Variants in ANK3 observed in about 807,000 individuals in gnomAD.
The protein encoded by ANK3 is ankyrin-3.
In ANK3, 57 loss-of-function variants were observed where a neutral mutation model predicts 370.9. The observed-to-expected ratio is 0.15, with a 90% CI of 0.12 to 0.19. The LOEUF is 0.19. ANK3 is among the 10% of genes least tolerant of loss of function. The pLI is 1.00. For missense variants in ANK3, 4,439 were observed against 5,302.1 expected (o/e 0.84, Z 5.06); for synonymous variants, 1,929 against 1,946.3 (o/e 0.99, Z 0.23).
chr10:60,348,403 G>C (rs894026831), intron 1 of ANK3, among the ~76,000 whole-genome samples: 4 of 149,144 alleles, frequency 2.7e-5, no homozygotes, highest in Non-Finnish European at 5.9e-5. Flanking sequence ...CTAACTGGCT[G>C]TCTCAGGAAG....
intron 17 of ANK3, among the ~76,000 whole-genome samples, chr10:60,184,314 T>C (rs2096272617): frequency 1.3e-5 from 2 of 152,180 alleles, no homozygotes; most frequent in African/African-American, 4.8e-5. Context: ...TGAGAGACAG[T>C]TCCTTATTGA....
At chr10:60,374,185 G>C (rs1004455443) in intron 1 of ANK3, among the ~76,000 whole-genome samples, 4 of 151,888 alleles carry the variant, frequency 2.6e-5, no homozygotes, top group African/African-American at 9.7e-5. Flanking sequence ...CCAGTGTCAG[G>C]GTCCTCGAGA....
intron 1 of ANK3, among the ~76,000 whole-genome samples, chr10:60,696,023 A>C (rs2079443443): frequency 1.3e-5 from 2 of 151,276 alleles, no homozygotes; most frequent in South Asian, 4.2e-4. Context: ...ATAAAGAAAA[A>C]AAGAGAGAAG....
At position 60,719,429 on chromosome 10, in the gene ANK3, T is replaced by G. The variant is rs182835161; in HGVS notation, c.57+13834A>C. On this transcript the variant is annotated intron_variant, in intron 1 of 43. Transcript: ENST00000373827. Reference sequence around the variant, plus strand: ...TATTTTAAGAGATTAACCATTTGCCTAAGCTTTCCACCAAAAAAGTTGTAC... The same window carrying G: ...TATTTTAAGAGATTAACCATTTGCCGAAGCTTTCCACCAAAAAAGTTGTAC... Among the ~76,000 whole-genome samples, 504 of 152,228 alleles carry G rather than the reference T, an allele frequency of 3.3e-3. 3 individuals carry two copies. The highest frequency in any genetic ancestry group is 0.012 in the African/African-American group (479 of 41,568).
At chr10:60,684,945 T>C in intron 1 of ANK3, 1 of 1,527,576 alleles carries the variant, frequency 6.5e-7, no homozygotes, top group South Asian at 1.1e-5. Context: ...TTTCAGGAAT[T>C]GAGAAATTGT....
chr10:60,407,645 T>C (rs2063481645), intron 2 of ANK3, among the ~76,000 whole-genome samples: 1 of 152,234 alleles, frequency 6.6e-6, no homozygotes, highest in African/African-American at 2.4e-5. Flanking sequence ...CCAAGATTTA[T>C]ATAAACCATC....
chr10:60,459,486 C>A (rs2064831264), intron 2 of ANK3, among the ~76,000 whole-genome samples: 1 of 152,132 alleles, frequency 6.6e-6, no homozygotes, highest in Admixed American at 6.6e-5. Context: ...AAATAACGAC[C>A]TCAGAGTCTT....
Position 60,726,981 on chromosome 10 carries a change from C to T in ANK3, c.57+6282G>A, listed in dbSNP as rs558598991. Among the ~76,000 whole-genome samples the T allele has an allele frequency of 1.7e-3, 254 of 152,126 alleles. 3 individuals are homozygous for T. Among genetic ancestry groups the T allele is most frequent in the Middle Eastern group, 6.8e-3 (2 of 294 alleles). ...TAAGTAAATACCAAAGGAACAATTT[C>T]CCCAATGGATTTTCCTCTACCCTAC... On this transcript the variant is annotated intron_variant, in intron 1 of 43. Coordinates refer to the ANK3 transcript ENST00000373827.
intron 1 of ANK3, among the ~76,000 whole-genome samples, chr10:60,662,139 T>G (rs1588989561): frequency 6.6e-6 from 1 of 152,314 alleles, no homozygotes; most frequent in Middle Eastern, 3.4e-3. Context: ...TGACTACTAT[T>G]GGTCGTTTTT....
chr10:60,406,559 G>A (rs1228717290), intron 2 of ANK3, among the ~76,000 whole-genome samples: 1 of 152,170 alleles, frequency 6.6e-6, no homozygotes, highest in African/African-American at 2.4e-5. Context: ...GATCTGACAG[G>A]AGGTGAAGCA....
intron 25 of ANK3, among the ~76,000 whole-genome samples, chr10:60,123,433 C>G (rs2093603763): frequency 6.6e-6 from 1 of 152,044 alleles, no homozygotes; most frequent in East Asian, 1.9e-4. Context: ...AAGGACACAC[C>G]CAAATGCCCA....
intron 1 of ANK3, among the ~76,000 whole-genome samples, chr10:60,319,278 T>TG (rs765636602): frequency 7.2e-5 from 11 of 152,206 alleles, no homozygotes; most frequent in Non-Finnish European, 7.3e-5. Context: ...TAAGGTACTC[T>TG]GGGCAGGTTT....
Position 60,073,377 on chromosome 10 carries a change from A to C in ANK3, c.7504T>G (p.Ser2502Ala), listed in dbSNP as rs762595530. ...SSELQGSDKR[S>A]REKIATAPKK... is the part of the protein sequence containing the mutation. The stretch of plus-strand genomic sequence containing the variant: ...GGGGCAGTGGCTATTTTTTCTCTGG[A>C]CCGCTTATCAGACCCCTGTAACTCT... The change falls in exon 37 of 44, where the codon TCC (serine) becomes GCC (alanine). Residue 2502 changes from serine to alanine, a missense_variant. Ser to Ala is a moderately conservative substitution (Grantham distance 99, BLOSUM62 1). This residue lies in a region of ANK3 where 1,601 missense variants were observed against 1,731.7 expected (regional missense o/e 0.92). Transcript: ENST00000280772. 1 of 1,613,670 alleles carries C rather than the reference A, an allele frequency of 6.2e-7. No homozygotes were observed. The highest frequency in any genetic ancestry group is 8.5e-7 in the Non-Finnish European group (1 of 1,179,976).
chr10:60,432,426 A>T (rs573287268), intron 2 of ANK3, among the ~76,000 whole-genome samples: 1 of 152,328 alleles, frequency 6.6e-6, no homozygotes, highest in South Asian at 2.1e-4. Flanking sequence ...GTATCTGATG[A>T]CCATAAACTC....
intron 1 of ANK3, among the ~76,000 whole-genome samples, chr10:60,304,626 G>C (rs1038530960): frequency 3.3e-5 from 5 of 152,120 alleles, no homozygotes; most frequent in Non-Finnish European, 7.4e-5. Context: ...CTGGGTGACA[G>C]AGTGAGGCTC....
chr10:60,645,761 T>A (rs1448007805), intron 1 of ANK3, among the ~76,000 whole-genome samples: 1 of 150,888 alleles, frequency 6.6e-6, no homozygotes, highest in African/African-American at 2.5e-5. Flanking sequence ...AAAAAAAAAA[T>A]GTTTCTGAAG....
chr10:60,448,023 AATCCTTTCTGAC>A (rs1436857639), intron 2 of ANK3, among the ~76,000 whole-genome samples: 1 of 152,198 alleles, frequency 6.6e-6, no homozygotes, highest in Non-Finnish European at 1.5e-5. Context: ...TGCCAGAGGG[AATCCTTTCTGAC>A]ATCCTTTGCA....
chr10:60,063,057 C>A (rs2080916530), intron 40 of ANK3, 54 bp downstream of exon 40: 6 of 1,546,408 alleles, frequency 3.9e-6, no homozygotes, highest in Admixed American at 1.8e-5. Context: ...TGTCTGACTG[C>A]ACTTTCAAAT....
At chr10:60,721,312 G>C in intron 1 of ANK3, among the ~76,000 whole-genome samples, 1 of 152,176 alleles carries the variant, frequency 6.6e-6, no homozygotes, top group East Asian at 1.9e-4. Flanking sequence ...GCACAAATTA[G>C]CAGAGAGAAG....
Sources: gnomAD v4.1 joint callset for allele counts (sites outside exome capture counted in the v4.1 genomes callset) on GRCh38, gnomAD v4.1.1 for gene constraint, gnomAD v4.1.1 regional missense constraint, MANE v1.5 for transcripts, NCBI Gene and HGNC (gene_info 2026-07-23, HGNC 2026-07-21) for gene names.